Variants in JADE3 observed in about 807,000 individuals in gnomAD.
JADE3 encodes jade family PHD finger 3.
JADE3 carries 2 observed loss-of-function variants against 50.1 expected under a neutral mutation model. That is an observed-to-expected ratio of 0.04 (90% CI 0.02 to 0.13). The LOEUF (loss-of-function observed/expected upper bound fraction) is 0.13, where lower values mean the gene tolerates loss of function less well. Among genes scored for constraint, JADE3 ranks in the 10% least tolerant of loss-of-function variants. The pLI is 1.00. For missense variants in JADE3, 475 were observed against 634.4 expected (o/e 0.75, Z 2.70); for synonymous variants, 218 against 232.9 (o/e 0.94, Z 0.58).
rs782257519 is a variant in JADE3 at position 47,058,299 on chromosome X, A to C, written c.1694A>C (p.His565Pro). Residue 565 changes from histidine (H) to proline (P), a missense_variant, in exon 11 of 11, where the codon CAC becomes CCC. Around this residue, in one of 6 missense-constraint regions of JADE3, gnomAD observed 243 missense variants for 238.2 expected, o/e 1.02. Coordinates refer to ENST00000614628, the MANE Select transcript of JADE3 (RefSeq NM_014735.5). ...NSSTETDQQPHSPDSSSSVHS... is the reference protein window; with the variant it reads ...NSSTETDQQPPSPDSSSSVHS... ...TCCACAGAAACCGATCAGCAGCCCCACTCTCCTGACAGCAGCTCATCTGTT... is the reference window on the plus strand; with the variant it reads ...TCCACAGAAACCGATCAGCAGCCCCCCTCTCCTGACAGCAGCTCATCTGTT... The C allele has an allele frequency of 8.3e-7, 1 of 1,210,315 alleles. No individual in the cohort carries two copies. Among genetic ancestry groups the C allele is most frequent in the Admixed American group, 2.2e-5 (1 of 45,838 alleles).
At chrX:46,934,160 A>T (rs1247638196) in intron 1 of JADE3, among the ~76,000 whole-genome samples, 1 of 111,370 alleles carries the variant, frequency 9.0e-6, no homozygotes, top group Non-Finnish European at 1.9e-5. Context: ...TTTAAGACGG[A>T]GTCTCGGCTC....
intron 10 of JADE3, 99 bp downstream of exon 10, chrX:47,056,298 C>G (rs1427607944): frequency 2.1e-6 from 1 of 486,507 alleles, no homozygotes; most frequent in African/African-American, 2.4e-5. Flanking sequence ...ACTTAAAAAT[C>G]TTTTAAAATT....
At chrX:46,918,721 GTTCATCTCCA>G (rs781789131) in intron 1 of JADE3, among the ~76,000 whole-genome samples, 1 of 112,256 alleles carries the variant, frequency 8.9e-6, no homozygotes, top group South Asian at 3.7e-4. Context: ...AGCCGGGATG[GTTCATCTCCA>G]TTCTATGTGG....
At chrX:47,025,569 A>G (rs1928889182) in intron 5 of JADE3, among the ~76,000 whole-genome samples, 1 of 112,411 alleles carries the variant, frequency 8.9e-6, no homozygotes, top group Non-Finnish European at 1.9e-5. Context: ...ATGGAAGTAA[A>G]CATAATTAAT....
chrX:47,027,023 T>C (rs1296794616), intron 5 of JADE3, among the ~76,000 whole-genome samples: 1 of 112,162 alleles, frequency 8.9e-6, no homozygotes, highest in African/African-American at 3.2e-5. Flanking sequence ...CTTAAAATGG[T>C]AGTTTATGTG....
chrX:46,999,012 A>G (rs1928208248), intron 4 of JADE3, among the ~76,000 whole-genome samples: 1 of 111,340 alleles, frequency 9.0e-6, no homozygotes, highest in African/African-American at 3.3e-5. Flanking sequence ...TGTATAATTT[A>G]TAAAGAAATA....
chrX:47,059,137 A>G lies in JADE3; in HGVS notation c.*60A>G, dbSNP rs1767283291. ...TTGCCCCATATATTGGGGAAAACCC[A>G]TACACCAAAAGGATTTTAGCATATG... On this transcript the variant is annotated 3_prime_UTR_variant, in exon 11 of 11. Transcript: ENST00000614628. 2 of 846,024 alleles carry G rather than the reference A, an allele frequency of 2.4e-6. No individual in the cohort carries two copies. The highest frequency in any genetic ancestry group is 5.4e-5 in the South Asian group (2 of 37,017). 69.7% of individuals were successfully genotyped at this position (846,024 alleles called of 1,213,427 possible).
At chrX:46,939,961 A>G (rs782317851) in intron 1 of JADE3, among the ~76,000 whole-genome samples, 7 of 112,502 alleles carry the variant, frequency 6.2e-5, no homozygotes, top group Non-Finnish European at 1.3e-4. Context: ...TTGGAACCCA[A>G]CCACATCAGT....
intron 1 of JADE3, among the ~76,000 whole-genome samples, chrX:46,922,528 C>T (rs782717256): frequency 1.8e-5 from 2 of 109,789 alleles, no homozygotes; most frequent in Non-Finnish European, 1.9e-5. Flanking sequence ...TTCTTGAGTG[C>T]TCTTCAGTAT....
At chrX:46,916,419 C>T (rs1556336354) in intron 1 of JADE3, among the ~76,000 whole-genome samples, 1 of 111,905 alleles carries the variant, frequency 8.9e-6, no homozygotes, top group Non-Finnish European at 1.9e-5. Context: ...GTTGCAGCCA[C>T]TGGGTATAGC....
chrX:46,953,546 C>T (rs185283603), intron 1 of JADE3, among the ~76,000 whole-genome samples: 127 of 111,414 alleles, frequency 1.1e-3, no homozygotes, highest in East Asian at 3.1e-3. Flanking sequence ...TACTTGGAAC[C>T]GGAAGTCTTC....
chrX:46,982,636 A>C (rs1556353325), intron 1 of JADE3, among the ~76,000 whole-genome samples: 1 of 110,380 alleles, frequency 9.1e-6, no homozygotes, highest in African/African-American at 3.3e-5. Context: ...ATTTTATTGA[A>C]GTCTATTTCC....
rs368189282 is a variant in JADE3, at chrX:46,985,810, A to G, written c.126+18A>G. On this transcript the variant is annotated intron_variant, in intron 3 of 10. Coordinates refer to ENST00000614628, the MANE Select transcript of JADE3 (RefSeq NM_014735.5). ...CTGCTGAGGTGAGATCGTATTCTCA[A>G]TTTTTAGACTTAAGCTATAGTTTGG... is the stretch of plus-strand genomic sequence containing the variant. The G allele has an allele frequency of 4.6e-6, 5 of 1,078,879 alleles. No homozygotes were observed. Among genetic ancestry groups the G allele is most frequent in the African/African-American group, 1.8e-5 (1 of 54,749 alleles). The allele number at this position is 1,078,879 out of a possible 1,213,427, so 88.9% of individuals were successfully genotyped here. A position where few individuals can be genotyped will look rare whatever the true frequency, so the allele number is the denominator to read the frequency against.
chrX:46,972,724 C>T (rs186073237), intron 1 of JADE3, among the ~76,000 whole-genome samples: 123 of 111,104 alleles, frequency 1.1e-3, no homozygotes, highest in African/African-American at 3.1e-3. Context: ...CTCAGCCTCC[C>T]GAGCAGCTGG....
chrX:47,009,797 G>A lies in JADE3; in HGVS notation c.284+11520G>A, dbSNP rs938299580. ...ACACCACCGTACCTGGCTAATTTTTGTATCTTTTGTAGAGATGGGATCTCC... is the reference window on the plus strand; with the variant it reads ...ACACCACCGTACCTGGCTAATTTTTATATCTTTTGTAGAGATGGGATCTCC... On this transcript the variant is annotated intron_variant, in intron 4 of 10. Coordinates refer to ENST00000614628, the MANE Select transcript of JADE3 (RefSeq NM_014735.5). Among the ~76,000 whole-genome samples the A allele has an allele frequency of 3.7e-5, 4 of 108,468 alleles. No individual in the cohort carries two copies. The Admixed American group carries it at 4.0e-4, about 11-fold the overall frequency. The allele number at this position is 108,468 out of a possible 115,157, so 94.2% of individuals were successfully genotyped here.
rs782194903 is a variant in JADE3 at position 47,040,081 on chromosome X, C to T, written c.972+1016C>T. ...AGGCACAAAGGTTGCTTTCTCTTTCCATGTTATTTCTCCTTCTATCCCAAA... is the reference window on the plus strand; with the variant it reads ...AGGCACAAAGGTTGCTTTCTCTTTCTATGTTATTTCTCCTTCTATCCCAAA... On this transcript the variant is annotated intron_variant, in intron 8 of 10. Coordinates refer to ENST00000614628, the MANE Select transcript of JADE3 (RefSeq NM_014735.5). Among the ~76,000 whole-genome samples the T allele has an allele frequency of 3.6e-5, 4 of 112,116 alleles. No individual in the cohort carries two copies. In the South Asian group the frequency reaches 1.5e-3, roughly 42 times the overall value.
intron 4 of JADE3, among the ~76,000 whole-genome samples, chrX:47,009,957 T>G (rs1269372720): frequency 1.0e-5 from 1 of 98,357 alleles, no homozygotes; most frequent in African/African-American, 4.4e-5. Flanking sequence ...ATAAAAAGAT[T>G]TTTTTGGCCG....
intron 3 of JADE3, among the ~76,000 whole-genome samples, chrX:46,994,000 T>C (rs1341525906): frequency 1.8e-5 from 2 of 112,080 alleles, no homozygotes; most frequent in African/African-American, 3.2e-5. Context: ...TAGCTTCAGA[T>C]TTCAGTGACT....
chrX:47,008,887 G>A (rs1928496974), intron 4 of JADE3, among the ~76,000 whole-genome samples: 1 of 111,148 alleles, frequency 9.0e-6, no homozygotes, highest in African/African-American at 3.3e-5. Flanking sequence ...ATACATTTAA[G>A]ATATATACAG....
Sources: allele counts gnomAD v4.1 joint callset (sites outside exome capture counted in the v4.1 genomes callset), GRCh38; gene constraint gnomAD v4.1.1; regional missense constraint gnomAD v4.1.1; transcripts MANE v1.5; gene names NCBI Gene and HGNC (gene_info 2026-07-23, HGNC 2026-07-21).